The following MCF2 variants were observed in gnomAD, a reference collection of about 807,000 sequenced individuals.
The protein encoded by MCF2 is MCF.2 cell line derived transforming sequence.
MCF2 carries 44 observed loss-of-function variants against 82.5 expected under a neutral mutation model. That is an observed-to-expected ratio of 0.53 (90% CI 0.42 to 0.69). The LOEUF (loss-of-function observed/expected upper bound fraction) is 0.69. MCF2 is among the 30% of genes least tolerant of loss of function. The pLI, the probability that MCF2 is intolerant of heterozygous loss-of-function variation, is 0.00. For missense variants in MCF2, 623 were observed against 663.1 expected (o/e 0.94, Z 0.66); for synonymous variants, 217 against 224.9 (o/e 0.96, Z 0.32).
intron 6 of MCF2, among the ~76,000 whole-genome samples, 180 bp downstream of exon 9, chrX:139,626,013 G>A (rs1284746700): frequency 9.0e-6 from 1 of 111,631 alleles, no homozygotes; most frequent in Non-Finnish European, 1.9e-5. Flanking sequence ...TGAAAAAGTA[G>A]AAGTCTCAGA....
chrX:139,628,251 A>C (rs992379515), intron 4 of MCF2, among the ~76,000 whole-genome samples: 4 of 112,051 alleles, frequency 3.6e-5, no homozygotes, highest in Non-Finnish European at 7.5e-5. Context: ...GGACTGTATA[A>C]AGAAAATGTG....
At chrX:139,648,912 T>C (rs1025579540) in intron 2 of MCF2, among the ~76,000 whole-genome samples, 1 of 112,059 alleles carries the variant, frequency 8.9e-6, no homozygotes, top group Non-Finnish European at 1.9e-5. Context: ...CAAAAACTGA[T>C]AGAGTGGCAA....
At chrX:139,705,675 C>T (rs1407894031) in intron 1 of MCF2, among the ~76,000 whole-genome samples, 4 of 112,218 alleles carry the variant, frequency 3.6e-5, no homozygotes, top group Non-Finnish European at 7.5e-5. Context: ...TTGGCTAAGT[C>T]CCTAAAAGCA....
intron 1 of MCF2, among the ~76,000 whole-genome samples, chrX:139,657,831 G>GA (rs1482779327): frequency 9.0e-6 from 1 of 111,693 alleles, no homozygotes; most frequent in East Asian, 2.8e-4. Flanking sequence ...AAGCAAGAGA[G>GA]AGAGCTAGAA....
chrX:139,646,741 G>T, upstream of MCF2: 1 of 614,008 alleles, frequency 1.6e-6, no homozygotes, highest in Non-Finnish European at 2.5e-6. Context: ...CATTCAGATG[G>T]ATATCTGATA....
At chrX:139,687,937 T>C (rs1360198270) in intron 1 of MCF2, among the ~76,000 whole-genome samples, 2 of 112,146 alleles carry the variant, frequency 1.8e-5, no homozygotes, top group Non-Finnish European at 3.8e-5. Context: ...TGGTCTATTA[T>C]ACTTTTCACA....
chrX:139,605,848 TATC>T, intron 12 of MCF2, 69 bp from the exon 17 acceptor site: 3 of 843,825 alleles, frequency 3.6e-6, no homozygotes, highest in Non-Finnish European at 5.1e-6. Context: ...TTTCAAGTAT[TATC>T]ATCATGAGAA....
chrX:139,685,609 G>A (rs1454634656), intron 1 of MCF2, among the ~76,000 whole-genome samples: 1 of 111,096 alleles, frequency 9.0e-6, no homozygotes, highest in Non-Finnish European at 1.9e-5. Flanking sequence ...CGGCTCTTGA[G>A]ACAGGAGTCT....
chrX:139,619,796 T>C (rs1040134755), intron 6 of MCF2, 90 bp from the exon 10 acceptor site: 2 of 659,265 alleles, frequency 3.0e-6, no homozygotes, highest in South Asian at 4.5e-5. Flanking sequence ...ACAAAAATAT[T>C]GACATGGAGA....
chrX:139,687,603 A>T (rs1287164233), intron 1 of MCF2, among the ~76,000 whole-genome samples: 9 of 112,892 alleles, frequency 8.0e-5, no homozygotes, highest in African/African-American at 2.6e-4. Context: ...TTAAGAATGA[A>T]GTGCCTTCTG....
At chrX:139,701,946 C>T (rs1277055732) in intron 1 of MCF2, among the ~76,000 whole-genome samples, 2 of 111,682 alleles carry the variant, frequency 1.8e-5, no homozygotes, top group Non-Finnish European at 3.8e-5. Flanking sequence ...TTGCTCCAAC[C>T]GCGCTGGCCT....
At chrX:139,636,240 C>T (rs2148502555) in intron 1 of MCF2, among the ~76,000 whole-genome samples, 1 of 110,591 alleles carries the variant, frequency 9.0e-6, no homozygotes, top group Admixed American at 9.7e-5. Flanking sequence ...TCTATTTTTA[C>T]TCCCTTAATT....
At chrX:139,692,297 C>T (rs987582775) in intron 1 of MCF2, 2 of 310,522 alleles carry the variant, frequency 6.4e-6, no homozygotes, top group Non-Finnish European at 1.1e-5. Context: ...CCCCTGGCCC[C>T]GCTCAGCCCA....
intron 1 of MCF2, among the ~76,000 whole-genome samples, chrX:139,692,635 C>T (rs750973560): frequency 8.9e-6 from 1 of 112,015 alleles, no homozygotes; most frequent in South Asian, 3.7e-4. Flanking sequence ...AGCCCAGCCT[C>T]GCACTCTCAT....
chrX:139,674,837 T>C (rs1336115327), intron 1 of MCF2, among the ~76,000 whole-genome samples: 4 of 111,857 alleles, frequency 3.6e-5, no homozygotes, highest in Non-Finnish European at 3.8e-5. Flanking sequence ...CTTTGTGGTG[T>C]TCTCTGTATT....
chrX:139,592,944 C>T (rs1219494883), intron 19 of MCF2, among the ~76,000 whole-genome samples: 3 of 111,941 alleles, frequency 2.7e-5, no homozygotes, highest in Non-Finnish European at 3.8e-5. Context: ...AACATATTGC[C>T]TGTCCTCTTT....
At chrX:139,590,209 T>C (rs1161024321) in intron 19 of MCF2, among the ~76,000 whole-genome samples, 1 of 111,522 alleles carries the variant, frequency 9.0e-6, no homozygotes, top group Non-Finnish European at 1.9e-5. Flanking sequence ...GATCTAATTA[T>C]GTTATAAATT....
chrX:139,692,220 C>G, intron 1 of MCF2: 1 of 681,032 alleles, frequency 1.5e-6, no homozygotes, highest in Non-Finnish European at 2.2e-6. Flanking sequence ...GCTACTCCAG[C>G]CAGCAGCTGC....
chrX:139,655,852 ATTTC>A (rs1934179307), intron 1 of MCF2, among the ~76,000 whole-genome samples: 1 of 111,260 alleles, frequency 9.0e-6, no homozygotes, highest in Non-Finnish European at 1.9e-5. Flanking sequence ...GATGCCCCTT[ATTTC>A]TTTCTCTTGC....
Sources: allele counts gnomAD v4.1 joint callset (sites outside exome capture counted in the v4.1 genomes callset), GRCh38; gene constraint gnomAD v4.1.1; transcripts MANE v1.5; gene names NCBI Gene and HGNC (gene_info 2026-07-23, HGNC 2026-07-21).